Variants in LRRC4C observed in about 807,000 individuals in gnomAD.
LRRC4C encodes leucine rich repeat containing 4C.
Under a neutral mutation model 33.6 loss-of-function variants are expected in LRRC4C, and 5 were observed. That is an observed-to-expected ratio of 0.15 (90% CI 0.08 to 0.31). LRRC4C has a LOEUF of 0.31. Ranked by LOEUF, LRRC4C falls within the 10% of genes least tolerant of loss-of-function variation. The probability of loss-of-function intolerance (pLI) is 1.00; values close to 1 mark genes in which losing one functional copy is unlikely to be tolerated. For missense variants in LRRC4C, 560 were observed against 796.7 expected (o/e 0.70, Z 3.58); for synonymous variants, 329 against 302.0 (o/e 1.09, Z -0.93).
At chr11:40,914,703 T>C (rs1956863916) in intron 2 of LRRC4C, among the ~76,000 whole-genome samples, 1 of 152,072 alleles carries the variant, frequency 6.6e-6, no homozygotes, top group Non-Finnish European at 1.5e-5. Context: ...GCCAGGACAA[T>C]CAGTCAGGAG....
At chr11:40,859,268 G>C (rs1330343286) in intron 2 of LRRC4C, among the ~76,000 whole-genome samples, 1 of 152,004 alleles carries the variant, frequency 6.6e-6, no homozygotes, top group Non-Finnish European at 1.5e-5. Flanking sequence ...CAGAAAGCAA[G>C]GTCAGATAAT....
At chr11:40,789,978 G>T (rs1450972961) in intron 2 of LRRC4C, among the ~76,000 whole-genome samples, 2 of 152,156 alleles carry the variant, frequency 1.3e-5, no homozygotes, top group African/African-American at 2.4e-5. Context: ...GGCCTTAAAG[G>T]TTGAACTGAA....
intron 1 of LRRC4C, among the ~76,000 whole-genome samples, chr11:41,035,437 G>A (rs1210003466): frequency 2.0e-5 from 3 of 152,048 alleles, no homozygotes; most frequent in African/African-American, 7.2e-5. Context: ...GTGACCATGT[G>A]TTCTCATTGT....
At chr11:41,314,811 C>A (rs1192541734) in intron 1 of LRRC4C, among the ~76,000 whole-genome samples, 1 of 151,748 alleles carries the variant, frequency 6.6e-6, no homozygotes, top group Non-Finnish European at 1.5e-5. Flanking sequence ...AAAAAAAAAA[C>A]TATAAGTAAA....
chr11:40,658,986 G>A (rs7947204), intron 2 of LRRC4C, among the ~76,000 whole-genome samples: 29,317 of 152,128 alleles, frequency 0.19, 3,162 homozygotes, highest in East Asian at 0.47. Flanking sequence ...ACCCTAATGA[G>A]TTGGCAGGTT....
chr11:40,911,831 C>A (rs1956711335), intron 2 of LRRC4C, among the ~76,000 whole-genome samples: 1 of 152,116 alleles, frequency 6.6e-6, no homozygotes, highest in South Asian at 2.1e-4. Context: ...CTAGAATAAC[C>A]AATGCAGAGA....
intron 3 of LRRC4C, among the ~76,000 whole-genome samples, chr11:40,337,343 C>T (rs1409524236): frequency 6.6e-6 from 1 of 152,180 alleles, no homozygotes; most frequent in African/African-American, 2.4e-5. Context: ...ATGTAATTTA[C>T]ATTTTTAAAT....
intron 3 of LRRC4C, among the ~76,000 whole-genome samples, chr11:40,496,706 T>C (rs969750261): frequency 3.9e-5 from 6 of 152,054 alleles, no homozygotes; most frequent in Non-Finnish European, 7.4e-5. Flanking sequence ...AGATGATTAA[T>C]GGGGAGATAG....
chr11:40,922,578 C>T (rs985409420), intron 2 of LRRC4C, among the ~76,000 whole-genome samples: 1 of 152,104 alleles, frequency 6.6e-6, no homozygotes, highest in African/African-American at 2.4e-5. Flanking sequence ...TGATTCGTCA[C>T]CAAAAGTACA....
chr11:40,762,586 G>A (rs1049299271), intron 2 of LRRC4C, among the ~76,000 whole-genome samples: 1 of 152,066 alleles, frequency 6.6e-6, no homozygotes, highest in Non-Finnish European at 1.5e-5. Context: ...CCCTGTCATA[G>A]TATATGCCAA....
intron 5 of LRRC4C, among the ~76,000 whole-genome samples, chr11:40,147,654 A>G (rs1485972873): frequency 6.6e-6 from 1 of 152,342 alleles, no homozygotes; most frequent in South Asian, 2.1e-4. Flanking sequence ...TAATTAAAAA[A>G]AAAGATGAGG....
At chr11:40,368,042 T>C (rs1295721611) in intron 3 of LRRC4C, among the ~76,000 whole-genome samples, 2 of 152,280 alleles carry the variant, frequency 1.3e-5, no homozygotes, top group South Asian at 2.1e-4. Flanking sequence ...TTCATCAGAC[T>C]GTTTTTTGTT....
In LRRC4C at chr11:41,344,445, C is replaced by T. The variant is rs1307569122; in HGVS notation, c.-496+114986G>A. On this transcript the variant is annotated intron_variant, in intron 1 of 6. Coordinates refer to ENST00000528697, the MANE Select transcript of LRRC4C (RefSeq NM_001258419.2). ...CCGTGTTAGCCAGGATGGTCTCGAT[C>T]TCCTGACCTCGTGATCCGCCCGCCT... is the stretch of plus-strand genomic sequence containing the variant. Among the ~76,000 whole-genome samples, 4 of 152,162 alleles carry T rather than the reference C, an allele frequency of 2.6e-5. No individual in the cohort carries two copies. In the East Asian group the frequency reaches 7.7e-4, roughly 29 times the overall value.
intron 3 of LRRC4C, among the ~76,000 whole-genome samples, chr11:40,494,117 G>A (rs1954304453): frequency 6.6e-6 from 1 of 152,014 alleles, no homozygotes; most frequent in South Asian, 2.1e-4. Context: ...CTACCATCGT[G>A]GGGTTCCACC....
intron 1 of LRRC4C, among the ~76,000 whole-genome samples, chr11:41,242,702 C>T (rs1262070855): frequency 6.6e-6 from 1 of 152,028 alleles, no homozygotes; most frequent in Non-Finnish European, 1.5e-5. Flanking sequence ...TTACTTCATC[C>T]TTGACCTTAA....
chr11:41,344,512 G>A (rs544434830), intron 1 of LRRC4C, among the ~76,000 whole-genome samples: 5 of 152,238 alleles, frequency 3.3e-5, no homozygotes, highest in Admixed American at 6.5e-5. Flanking sequence ...GAGCCACCGC[G>A]CCCGGCCAAA....
chr11:40,912,176 A>G (rs566446480), intron 2 of LRRC4C, among the ~76,000 whole-genome samples: 4 of 152,294 alleles, frequency 2.6e-5, no homozygotes, highest in East Asian at 3.9e-4. Flanking sequence ...CCAACGTTCA[A>G]ATTCAGGAAA....
chr11:40,264,411 GGCAA>G (rs1230986661), intron 4 of LRRC4C, among the ~76,000 whole-genome samples: 5 of 152,078 alleles, frequency 3.3e-5, no homozygotes, highest in African/African-American at 4.8e-5. Flanking sequence ...AAGTTTACTT[GGCAA>G]ATAAATTCTT....
At chr11:40,948,231 C>CT (rs1163462702) in intron 1 of LRRC4C, among the ~76,000 whole-genome samples, 1 of 152,122 alleles carries the variant, frequency 6.6e-6, no homozygotes, top group Non-Finnish European at 1.5e-5. Flanking sequence ...TTTGGACAAA[C>CT]TAGCTGTTTT....
Sources: allele counts gnomAD v4.1 joint callset (sites outside exome capture counted in the v4.1 genomes callset), GRCh38; gene constraint gnomAD v4.1.1; transcripts MANE v1.5; gene names NCBI Gene and HGNC (gene_info 2026-07-23, HGNC 2026-07-21).